MGAT5: variants seen among roughly 807,000 people sequenced by gnomAD.
MGAT5 encodes the protein alpha-1,6-mannosylglycoprotein 6-beta-N-acetylglucosaminyltransferase A.
MGAT5 carries 30 observed loss-of-function variants against 94.3 expected under a neutral mutation model. The ratio of observed to expected loss-of-function variants is 0.32; its 90% CI spans 0.24 to 0.43. The LOEUF (loss-of-function observed/expected upper bound fraction) is 0.43. Ranked by LOEUF, MGAT5 falls within the 20% of genes least tolerant of loss-of-function variation. The pLI is 1.00. For synonymous variants in MGAT5, 310 were observed against 322.9 expected, an observed-to-expected ratio of 0.96 and a Z score of 0.43; for missense variants, 691 against 905.5, an observed-to-expected ratio of 0.76 and a Z score of 3.04.
At chr2:134,142,999 G>A (rs977042644) in intron 1 of MGAT5, among the ~76,000 whole-genome samples, 5 of 152,036 alleles carry the variant, frequency 3.3e-5, no homozygotes, top group Admixed American at 1.3e-4. Context: ...GATACAGGCC[G>A]GAGGGGGCAT....
intron 1 of MGAT5, among the ~76,000 whole-genome samples, chr2:134,180,490 G>A (rs1256520995): frequency 2.6e-5 from 4 of 152,290 alleles, no homozygotes; most frequent in Non-Finnish European, 2.9e-5. Flanking sequence ...ACACAGCAAC[G>A]CTATGAAGCA....
At chr2:134,297,059 TGGTGACACACACTTG>T (rs1453958625) in intron 2 of MGAT5, among the ~76,000 whole-genome samples, 1 of 151,874 alleles carries the variant, frequency 6.6e-6, no homozygotes, top group African/African-American at 2.4e-5. Flanking sequence ...TAGCTGGGTG[TGGTGACACACACTTG>T]TGGTCCTAGC....
intron 8 of MGAT5, among the ~76,000 whole-genome samples, chr2:134,347,904 A>G (rs1364331174): frequency 6.6e-6 from 1 of 152,156 alleles, no homozygotes; most frequent in African/African-American, 2.4e-5. Flanking sequence ...GAGTGCTGTA[A>G]TCTTTGACTC....
At chr2:134,433,849 T>G (rs1182069415) in intron 14 of MGAT5, among the ~76,000 whole-genome samples, 1 of 130,474 alleles carries the variant, frequency 7.7e-6, no homozygotes, top group East Asian at 2.4e-4. Context: ...TTTTTTTTTT[T>G]GCCAATTTCT....
intron 1 of MGAT5, among the ~76,000 whole-genome samples, chr2:134,137,145 C>A (rs1238766459): frequency 6.6e-6 from 1 of 152,198 alleles, no homozygotes; most frequent in Non-Finnish European, 1.5e-5. Context: ...CCCTGTTTTC[C>A]TCTTGGTATG....
At chr2:134,419,135 T>C (rs1002433869) in intron 12 of MGAT5, among the ~76,000 whole-genome samples, 22 of 152,240 alleles carry the variant, frequency 1.4e-4, no homozygotes, top group Non-Finnish European at 1.6e-4. Flanking sequence ...TAAGTAATAA[T>C]TGATCCACCT....
intron 15 of MGAT5, among the ~76,000 whole-genome samples, chr2:134,444,873 G>A (rs550868099): frequency 6.6e-6 from 1 of 152,130 alleles, no homozygotes; most frequent in African/African-American, 2.4e-5. Flanking sequence ...AGAGGCCACC[G>A]CAGAGCACGC....
At chr2:134,136,691 G>A (rs1414824432) in intron 1 of MGAT5, among the ~76,000 whole-genome samples, 4 of 152,140 alleles carry the variant, frequency 2.6e-5, no homozygotes, top group African/African-American at 9.7e-5. Flanking sequence ...AAGTCTTTCT[G>A]AGAAGGAGTC....
chr2:134,256,819 C>T (rs1283013861), intron 1 of MGAT5, among the ~76,000 whole-genome samples: 3 of 152,208 alleles, frequency 2.0e-5, no homozygotes, highest in Non-Finnish European at 4.4e-5. Flanking sequence ...CAGGTCACAT[C>T]AGCAACTCTA....
rs1459508930 is a variant in MGAT5, at chr2:134,287,859, A to T, written c.406+17309A>T. On this transcript the variant is annotated intron_variant, in intron 2 of 15. Coordinates refer to ENST00000281923, the MANE Select transcript of MGAT5 (RefSeq NM_002410.5). ...GACATTACAAGTTATACTCTGATCA[A>T]TAATGTATGAATATTCCTGTCTTAC... Among the ~76,000 whole-genome samples the T allele has an allele frequency of 2.0e-5, 3 of 152,348 alleles. No individual in the cohort carries two copies. In the East Asian group the frequency reaches 5.8e-4, roughly 29 times the overall value.
At chr2:134,121,423 G>T (rs1158160651) in intron 1 of MGAT5, among the ~76,000 whole-genome samples, 1 of 152,234 alleles carries the variant, frequency 6.6e-6, no homozygotes, top group East Asian at 1.9e-4. Flanking sequence ...TGTAGCCGCC[G>T]CGCGGAAGAG....
At chr2:134,219,844 T>C (rs369958110) in intron 1 of MGAT5, among the ~76,000 whole-genome samples, 189 of 152,342 alleles carry the variant, frequency 1.2e-3, no homozygotes, top group African/African-American at 4.3e-3. Context: ...CTCCTGTCCC[T>C]TGAGCGAGAG....
intron 1 of MGAT5, among the ~76,000 whole-genome samples, chr2:134,190,156 C>T (rs1464541325): frequency 2.0e-5 from 3 of 152,142 alleles, no homozygotes; most frequent in African/African-American, 7.2e-5. Flanking sequence ...ACATGGGGTG[C>T]TGGCTTGTGG....
chr2:134,450,825 TGTGTGTATGA>T lies in MGAT5; in HGVS notation c.*1980_*1989del, dbSNP rs1450782945. 1 of 143,932 alleles carries T rather than the reference TGTGTGTATGA, an allele frequency of 6.9e-6. No individual in the cohort carries two copies. The highest frequency in any genetic ancestry group is 2.8e-5 in the African/African-American group (1 of 35,628). 8.9% of individuals were successfully genotyped at this position (143,932 alleles called of 1,614,324 possible). ...GTGTGTGTGTGTGTGTGTGTGTGTG[TGTGTGTATGA>T]GCCTGTGCATTTCTTTTAAGCAAGG... On this transcript the variant is annotated 3_prime_UTR_variant, in exon 16 of 16. Transcript: ENST00000281923.
Position 134,362,240 on chromosome 2 carries a change from A to T in MGAT5, c.1247-35A>T, listed in dbSNP as rs755539187. On this transcript the variant is annotated intron_variant, in intron 9 of 15. Coordinates refer to ENST00000281923, the MANE Select transcript of MGAT5 (RefSeq NM_002410.5). The stretch of plus-strand genomic sequence containing the variant: ...ATTGTTATTTCTTCTTGCTGATTGG[A>T]CACTAACTGTCCTCTCCATTTCTTT... The T allele has an allele frequency of 2.3e-5, 37 of 1,601,544 alleles. No homozygotes were observed. The Admixed American group carries it at 6.4e-4, about 28-fold the overall frequency.
intron 2 of MGAT5, among the ~76,000 whole-genome samples, chr2:134,302,460 A>G (rs1293393361): frequency 6.6e-6 from 1 of 152,058 alleles, no homozygotes; most frequent in Non-Finnish European, 1.5e-5. Context: ...AAAACACTAT[A>G]GTGTTTTATA....
Position 134,123,180 on chromosome 2 carries a change from C to T in MGAT5, c.-143+2889C>T, listed in dbSNP as rs539450919. On this transcript the variant is annotated intron_variant, in intron 1 of 16. Coordinates refer to the MGAT5 transcript ENST00000409645. ...AACTTACCTTCTGCCCAGCTGTCCTCCAAAAGCATTGAAATGCTAGACTCC... is the reference window on the plus strand; with the variant it reads ...AACTTACCTTCTGCCCAGCTGTCCTTCAAAAGCATTGAAATGCTAGACTCC... 5.9e-5 allele frequency among the ~76,000 whole-genome samples: 9 copies of T among 152,286 alleles called. No individual in the cohort carries two copies. The East Asian group carries it at 1.4e-3, about 23-fold the overall frequency.
chr2:134,333,604 A>T (rs1245311534), intron 4 of MGAT5, among the ~76,000 whole-genome samples: 1 of 152,066 alleles, frequency 6.6e-6, no homozygotes, highest in Admixed American at 6.6e-5. Context: ...AATAAAAAAA[A>T]AGAAGGTGGT....
rs1685972715 is a variant in MGAT5 at position 134,449,334 on chromosome 2, CTGT to C, written c.*492_*494del. On this transcript the variant is annotated 3_prime_UTR_variant, in exon 16 of 16. Transcript: ENST00000281923. Reference sequence around the variant, plus strand: ...CTGTTAATCATCCACCTTCACTATACTGTTGTTCTGTCTGCTTTGGGCAGGGTG... The same window carrying C: ...CTGTTAATCATCCACCTTCACTATACTGTTCTGTCTGCTTTGGGCAGGGTG... The C allele has an allele frequency of 5.4e-6, 1 of 186,866 alleles. No individual in the cohort carries two copies. The highest frequency in any genetic ancestry group is 1.4e-4 in the East Asian group (1 of 7,178). 11.6% of individuals were successfully genotyped at this position (186,866 alleles called of 1,614,324 possible). A position where few individuals can be genotyped will look rare whatever the true frequency, so the allele number is the denominator to read the frequency against.
Sources: allele counts gnomAD v4.1 joint callset (sites outside exome capture counted in the v4.1 genomes callset), GRCh38; gene constraint gnomAD v4.1.1; transcripts MANE v1.5; gene names NCBI Gene and HGNC (gene_info 2026-07-23, HGNC 2026-07-21).